Variants in ZNF507 observed in about 807,000 individuals in gnomAD.
ZNF507 encodes zinc finger protein 507.
ZNF507 carries 29 observed loss-of-function variants against 80.0 expected under a neutral mutation model. The ratio of observed to expected loss-of-function variants is 0.36; its 90% CI spans 0.27 to 0.49. The LOEUF (loss-of-function observed/expected upper bound fraction) is 0.49. ZNF507 is among the 20% of genes least tolerant of loss of function. The pLI is 0.98. For synonymous variants in ZNF507, 462 were observed against 422.5 expected, an observed-to-expected ratio of 1.09 and a Z score of -1.15; for missense variants, 1,081 against 1,152.2, an observed-to-expected ratio of 0.94 and a Z score of 0.90.
At chr19:32,350,391 G>A (rs926693207) in intron 2 of ZNF507, among the ~76,000 whole-genome samples, 2 of 152,160 alleles carry the variant, frequency 1.3e-5, no homozygotes, top group Non-Finnish European at 2.9e-5. Flanking sequence ...TTACATAAAT[G>A]TTCAGGGAAA....
At chr19:32,357,671 A>G (rs1235557928) in intron 4 of ZNF507, 1 of 152,242 alleles carries the variant, frequency 6.6e-6, no homozygotes, top group Non-Finnish European at 1.5e-5. Flanking sequence ...AGTTTATGAT[A>G]TAGCATCTGT....
chr19:32,378,217 G>C (rs776144187), intron 5 of ZNF507, among the ~76,000 whole-genome samples: 1 of 152,094 alleles, frequency 6.6e-6, no homozygotes, highest in Non-Finnish European at 1.5e-5. Context: ...GCCAGGCGTG[G>C]TGGCACACAC....
Position 32,353,309 on chromosome 19 carries a change from G to A in ZNF507, c.479G>A (p.Cys160Tyr), listed in dbSNP as rs1345854821. The change falls in exon 3 of 7, where the codon TGC (cysteine) becomes TAC (tyrosine). Residue 160 changes from cysteine to tyrosine, a missense_variant. By Grantham distance (194) the Cys-to-Tyr change is radical. Around this residue, in one of 6 missense-constraint regions of ZNF507, gnomAD observed 275 missense variants for 303.9 expected, o/e 0.90. Coordinates refer to ENST00000355898, the MANE Select transcript of ZNF507 (RefSeq NM_001136156.2). ...GAAGTGATACTGATGTGCTCAGAGT[G>A]CCATATTACATCTAGAAGCCAGGAG... ...QNEVILMCSE[C>Y]HITSRSQEEL... 4 of 1,614,102 alleles carry A rather than the reference G, an allele frequency of 2.5e-6. No individual in the cohort carries two copies. The highest frequency in any genetic ancestry group is 2.5e-6 in the Non-Finnish European group (3 of 1,180,050).
chr19:32,372,850 A>G (rs1468596169), intron 5 of ZNF507, among the ~76,000 whole-genome samples: 4 of 152,140 alleles, frequency 2.6e-5, no homozygotes, highest in Admixed American at 2.0e-4. Flanking sequence ...GGTGTTGACA[A>G]ACAGACCATA....
At position 32,383,161 on chromosome 19, in the gene ZNF507, C is replaced by G; in HGVS notation, c.*78C>G. 1 of 1,504,288 alleles carries G rather than the reference C, an allele frequency of 6.6e-7. No individual in the cohort carries two copies. The highest frequency in any genetic ancestry group is 8.9e-7 in the Non-Finnish European group (1 of 1,122,066). The allele number at this position is 1,504,288 out of a possible 1,614,324, so 93.2% of individuals were successfully genotyped here. On this transcript the variant is annotated 3_prime_UTR_variant, in exon 7 of 7. Coordinates refer to ENST00000355898, the MANE Select transcript of ZNF507 (RefSeq NM_001136156.2). The stretch of plus-strand genomic sequence containing the variant: ...GTTTCACCTTTACGCTGTCAGACAA[C>G]TTCCTGCCACAGAAGAAGTCGTTGA...
rs183308044 is a variant in ZNF507 at position 32,380,639 on chromosome 19, T to C, written c.2361-1828T>C. The C allele has an allele frequency of 5.0e-5, 76 of 1,533,994 alleles. No homozygotes were observed. In the African/African-American group the frequency reaches 8.6e-4, roughly 17 times the overall value. Reference sequence around the variant, plus strand: ...AGTTCAGGTAAGTAAGTTATCTGGTTTGTTAGGTTTGTAATTAAGTATTTA... The same window carrying C: ...AGTTCAGGTAAGTAAGTTATCTGGTCTGTTAGGTTTGTAATTAAGTATTTA... On this transcript the variant is annotated intron_variant, in intron 5 of 6. Transcript: ENST00000355898.
At chr19:32,370,690 T>C (rs1205692618) in intron 5 of ZNF507, among the ~76,000 whole-genome samples, 1 of 152,230 alleles carries the variant, frequency 6.6e-6, no homozygotes, top group Non-Finnish European at 1.5e-5. Flanking sequence ...GGTTACTCTT[T>C]CATTTTGTTG....
At chr19:32,373,147 A>G (rs1052566034) in intron 5 of ZNF507, among the ~76,000 whole-genome samples, 2 of 152,320 alleles carry the variant, frequency 1.3e-5, no homozygotes, top group Admixed American at 6.5e-5. Context: ...CTCATGACCT[A>G]GTCACTTTCC....
intron 5 of ZNF507, chr19:32,380,590 G>T: frequency 6.5e-7 from 1 of 1,535,284 alleles, no homozygotes; most frequent in African/African-American, 1.4e-5. Flanking sequence ...ATTGCTGACT[G>T]TGTCTCTTAT....
rs943132162 is a variant in ZNF507, at chr19:32,385,839, T to A, written c.*2756T>A. The A allele has an allele frequency of 3.9e-5, 6 of 152,070 alleles. No individual in the cohort carries two copies. The highest frequency in any genetic ancestry group is 1.4e-4 in the African/African-American group (6 of 41,414). 9.4% of individuals were successfully genotyped at this position (152,070 alleles called of 1,614,324 possible). A position where few individuals can be genotyped will look rare whatever the true frequency, so the allele number is the denominator to read the frequency against. ...TTACCTCCCCCCCCAAAAAAAAAAT[T>A]CAGTAGGAATTCCTTCATAGAATAA... On this transcript the variant is annotated 3_prime_UTR_variant, in exon 7 of 7. Transcript: ENST00000355898.
intron 1 of ZNF507, among the ~76,000 whole-genome samples, chr19:32,346,906 G>A (rs1053386103): frequency 3.3e-5 from 5 of 152,156 alleles, no homozygotes; most frequent in African/African-American, 1.2e-4. Context: ...GATTAAAATA[G>A]CAATGTGCAA....
chr19:32,364,522 T>TA (rs1281327885), intron 5 of ZNF507, among the ~76,000 whole-genome samples: 1 of 152,122 alleles, frequency 6.6e-6, no homozygotes, highest in Non-Finnish European at 1.5e-5. Flanking sequence ...AAAGCCATTT[T>TA]ATCATTCTTA....
At chr19:32,359,584 A>G (rs1016333571) in intron 4 of ZNF507, 2 of 152,232 alleles carry the variant, frequency 1.3e-5, no homozygotes, top group African/African-American at 2.4e-5. Context: ...ATCGTTTTAT[A>G]TGATCAAGTC....
chr19:32,375,979 G>C (rs1342224013), intron 5 of ZNF507, among the ~76,000 whole-genome samples: 2 of 152,166 alleles, frequency 1.3e-5, no homozygotes, highest in Non-Finnish European at 2.9e-5. Context: ...GAAGCTTTAA[G>C]TGCCTAAGAT....
intron 5 of ZNF507, among the ~76,000 whole-genome samples, chr19:32,362,891 C>T (rs111502130): frequency 6.6e-6 from 1 of 152,174 alleles, no homozygotes; most frequent in African/African-American, 2.4e-5. Context: ...TACTTATTAT[C>T]AGTTTTTCCT....
intron 5 of ZNF507, among the ~76,000 whole-genome samples, chr19:32,371,693 G>A (rs998766067): frequency 7.5e-5 from 11 of 146,500 alleles, no homozygotes; most frequent in Admixed American, 6.9e-4. Context: ...AGGCTGGAGT[G>A]CAGTGGCGTG....
Position 32,385,101 on chromosome 19 carries a change from T to G in ZNF507, c.*2018T>G, listed in dbSNP as rs1421594832. 4 of 152,222 alleles carry G rather than the reference T, an allele frequency of 2.6e-5. No individual in the cohort carries two copies. The highest frequency in any genetic ancestry group is 5.9e-5 in the Non-Finnish European group (4 of 68,022). The allele number at this position is 152,222 out of a possible 1,614,324, so 9.4% of individuals were successfully genotyped here. A position where few individuals can be genotyped will look rare whatever the true frequency, so the allele number is the denominator to read the frequency against. On this transcript the variant is annotated 3_prime_UTR_variant, in exon 7 of 7. Coordinates refer to ENST00000355898, the MANE Select transcript of ZNF507 (RefSeq NM_001136156.2). ...TCAACAACCTTAGAAGGATTTTGTC[T>G]TAGAAAATTTCCTTGGCTTTAGTTT...
chr19:32,376,788 G>C (rs1967552976), intron 5 of ZNF507, among the ~76,000 whole-genome samples: 1 of 152,122 alleles, frequency 6.6e-6, no homozygotes, highest in South Asian at 2.1e-4. Context: ...GATATTTATT[G>C]GATACAAGAC....
intron 5 of ZNF507, among the ~76,000 whole-genome samples, chr19:32,361,063 A>G (rs956658822): frequency 6.6e-6 from 1 of 152,218 alleles, no homozygotes; most frequent in Middle Eastern, 3.2e-3. Flanking sequence ...TTCATTTCAT[A>G]TGGGTATAAA....
Sources: gnomAD v4.1 joint callset for allele counts (sites outside exome capture counted in the v4.1 genomes callset) on GRCh38, gnomAD v4.1.1 for gene constraint, gnomAD v4.1.1 regional missense constraint, MANE v1.5 for transcripts, NCBI Gene and HGNC (gene_info 2026-07-23, HGNC 2026-07-21) for gene names.